The following TPO variants were observed in gnomAD, a reference collection of about 807,000 sequenced individuals.
TPO encodes the protein thyroid microsomal antigen.
In TPO, 78 loss-of-function variants were observed where a neutral mutation model predicts 96.9. The observed-to-expected ratio is 0.81, with a 90% confidence interval of 0.67 to 0.97. TPO has a LOEUF of 0.97. Ranked by LOEUF, TPO falls within the 50% of genes least tolerant of loss-of-function variation. The probability of loss-of-function intolerance (pLI) is 0.00; values close to 1 mark genes in which losing one functional copy is unlikely to be tolerated. For synonymous variants in TPO, 547 were observed against 538.0 expected, an observed-to-expected ratio of 1.02 and a Z score of -0.23; for missense variants, 1,252 against 1,274.8, an observed-to-expected ratio of 0.98 and a Z score of 0.27.
At chr2:1,528,096 G>C (rs1291641146) in intron 15 of TPO, among the ~76,000 whole-genome samples, 1 of 77,762 alleles carries the variant, frequency 1.3e-5, no homozygotes, top group African/African-American at 5.8e-5. Context: ...GTGAGCAAAA[G>C]CACAAATCCC....
At chr2:1,454,068 C>G (rs916588500) in intron 6 of TPO, among the ~76,000 whole-genome samples, 1 of 152,190 alleles carries the variant, frequency 6.6e-6, no homozygotes, top group Admixed American at 6.5e-5. Context: ...TTTCTCAACC[C>G]TAACGTTTCT....
intron 15 of TPO, among the ~76,000 whole-genome samples, chr2:1,519,499 GAA>G (rs1402859156): frequency 6.6e-6 from 1 of 152,180 alleles, no homozygotes; most frequent in Non-Finnish European, 1.5e-5. Context: ...ATCTGTTTTG[GAA>G]AGAGAGTACT....
chr2:1,494,380 G>T (rs976375831), intron 11 of TPO, among the ~76,000 whole-genome samples: 1 of 152,176 alleles, frequency 6.6e-6, no homozygotes, highest in Non-Finnish European at 1.5e-5. Flanking sequence ...CCATGACAAT[G>T]CCCGGGAAAG....
At chr2:1,535,701 G>A in intron 15 of TPO, among the ~76,000 whole-genome samples, 1 of 63,740 alleles carries the variant, frequency 1.6e-5, no homozygotes, top group African/African-American at 5.8e-5. Flanking sequence ...CCCCCAGTGT[G>A]TGCAACCTCC....
chr2:1,522,725 C>T (rs1201688234), intron 15 of TPO, among the ~76,000 whole-genome samples: 1 of 151,922 alleles, frequency 6.6e-6, no homozygotes, highest in Non-Finnish European at 1.5e-5. Context: ...TCTGCAACCT[C>T]CCCAAACCCC....
chr2:1,541,059 A>G, intron 16 of TPO: 1 of 1,261,088 alleles, frequency 7.9e-7, no homozygotes, highest in South Asian at 1.5e-5. Context: ...CCTGACTTTT[A>G]AATTCTGATT....
chr2:1,410,655 C>A (rs770754209), upstream of TPO, among the ~76,000 whole-genome samples: 2 of 152,132 alleles, frequency 1.3e-5, no homozygotes, highest in Non-Finnish European at 2.9e-5. Context: ...TGGAAGCGTG[C>A]TTGTCTTCTC....
At position 1,543,637 on chromosome 2, in the gene TPO, C is replaced by T. The variant is rs899249035; in HGVS notation, c.*1163C>T. 8 of 152,128 alleles carry T rather than the reference C, an allele frequency of 5.3e-5. No homozygotes were observed. Among genetic ancestry groups the T allele is most frequent in the Non-Finnish European group, 8.8e-5 (6 of 68,020 alleles). The allele number at this position is 152,128 out of a possible 1,614,324, so 9.4% of individuals were successfully genotyped here. A position where few individuals can be genotyped will look rare whatever the true frequency, so the allele number is the denominator to read the frequency against. On this transcript the variant is annotated 3_prime_UTR_variant, in exon 17 of 17. Transcript: ENST00000329066. ...AACTCTTAGTTTTGTTCATGTAAAA[C>T]TCATGATTTCATAATTAAAACAATA...
chr2:1,404,559 T>A (rs1662219717), intron 1 of TPO, among the ~76,000 whole-genome samples: 1 of 152,096 alleles, frequency 6.6e-6, no homozygotes, highest in African/African-American at 2.4e-5. Flanking sequence ...AAGAGGAGAT[T>A]AGGACACAGA....
At chr2:1,521,778 AG>A (rs764886828) in intron 15 of TPO, among the ~76,000 whole-genome samples, 249 of 152,124 alleles carry the variant, frequency 1.6e-3, no homozygotes, top group Non-Finnish European at 2.9e-3. Flanking sequence ...GACCTGGGGA[AG>A]GACCTGCGCT....
At chr2:1,496,804 A>T (rs555631529) in intron 13 of TPO, 39 bp downstream of exon 13, 1 of 1,613,720 alleles carries the variant, frequency 6.2e-7, no homozygotes, top group Admixed American at 1.7e-5. Context: ...AAACATCTGA[A>T]TGTTTCCGAT....
intron 1 of TPO, among the ~76,000 whole-genome samples, chr2:1,405,358 C>T (rs1332504970): frequency 6.6e-6 from 1 of 151,730 alleles, no homozygotes; most frequent in Admixed American, 6.6e-5. Flanking sequence ...TCCACCCACT[C>T]GTTCATCCAC....
At chr2:1,484,337 C>T (rs1670918015) in intron 8 of TPO, among the ~76,000 whole-genome samples, 1 of 152,214 alleles carries the variant, frequency 6.6e-6, no homozygotes, top group Non-Finnish European at 1.5e-5. Context: ...GACAGAGGTG[C>T]TGTCTCTTGC....
At chr2:1,407,457 C>A (rs980785868) in intron 1 of TPO, among the ~76,000 whole-genome samples, 1 of 152,146 alleles carries the variant, frequency 6.6e-6, no homozygotes, top group Non-Finnish European at 1.5e-5. Flanking sequence ...CAGATGTGTC[C>A]TTTGTGTAGT....
intron 5 of TPO, chr2:1,439,409 A>C (rs2148514562): frequency 6.6e-6 from 1 of 152,398 alleles, no homozygotes; most frequent in South Asian, 2.1e-4. Context: ...GAAATCGGTC[A>C]CTTGTTGTTA....
intron 3 of TPO, among the ~76,000 whole-genome samples, chr2:1,433,007 T>C (rs1665181604): frequency 6.6e-6 from 1 of 152,190 alleles, no homozygotes; most frequent in Non-Finnish European, 1.5e-5. Context: ...GGGAAGAAGT[T>C]GGAGCTGGGA....
chr2:1,448,960 C>A (rs552195579), intron 5 of TPO, among the ~76,000 whole-genome samples: 1 of 152,114 alleles, frequency 6.6e-6, no homozygotes, highest in Admixed American at 6.5e-5. Context: ...AGAGAACGAA[C>A]GTGGCATGGA....
intron 15 of TPO, among the ~76,000 whole-genome samples, chr2:1,527,007 C>A (rs534459704): frequency 1.5e-5 from 2 of 130,138 alleles, no homozygotes; most frequent in South Asian, 2.6e-4. Context: ...CTCCTCAAAT[C>A]CCCCCCACTG....
intron 1 of TPO, among the ~76,000 whole-genome samples, chr2:1,381,921 A>G (rs1661816212): frequency 6.6e-6 from 1 of 152,142 alleles, no homozygotes; most frequent in Non-Finnish European, 1.5e-5. Flanking sequence ...ATTGTTGAGA[A>G]TTAGAGAAAT....
Sources: allele counts gnomAD v4.1 joint callset (sites outside exome capture counted in the v4.1 genomes callset), GRCh38; gene constraint gnomAD v4.1.1; transcripts MANE v1.5; gene names NCBI Gene and HGNC (gene_info 2026-07-23, HGNC 2026-07-21).